Variants in GPM6A observed in about 807,000 individuals in gnomAD.
The protein encoded by GPM6A is neuronal membrane glycoprotein M6-a.
GPM6A carries 7 observed loss-of-function variants against 32.1 expected under a neutral mutation model. The ratio of observed to expected loss-of-function variants is 0.22; its 90% CI spans 0.12 to 0.41. The LOEUF (loss-of-function observed/expected upper bound fraction) is 0.41, where lower values mean the gene tolerates loss of function less well. GPM6A is among the 10% of genes least tolerant of loss of function. The pLI is 1.00. For missense variants in GPM6A, 235 were observed against 347.2 expected (o/e 0.68, Z 2.57); for synonymous variants, 130 against 123.4 (o/e 1.05, Z -0.35).
At chr4:175,993,687 G>A (rs759522984) in intron 1 of GPM6A, among the ~76,000 whole-genome samples, 2 of 152,184 alleles carry the variant, frequency 1.3e-5, no homozygotes, top group Non-Finnish European at 2.9e-5. Flanking sequence ...CAAATAGCTT[G>A]ATGATAAGAG....
At chr4:175,726,495 C>T (rs907348814) in intron 1 of GPM6A, among the ~76,000 whole-genome samples, 1 of 152,084 alleles carries the variant, frequency 6.6e-6, no homozygotes, top group Non-Finnish European at 1.5e-5. Flanking sequence ...ATGTTTTTGA[C>T]ATTATTTCAA....
intron 2 of GPM6A, among the ~76,000 whole-genome samples, chr4:175,682,545 C>T (rs1226335773): frequency 6.6e-6 from 1 of 152,178 alleles, no homozygotes; most frequent in Non-Finnish European, 1.5e-5. Flanking sequence ...TTGTGGTAGC[C>T]TCTCCCATCA....
chr4:175,843,698 C>T (rs910232673), intron 1 of GPM6A, among the ~76,000 whole-genome samples: 1 of 152,158 alleles, frequency 6.6e-6, no homozygotes, highest in African/African-American at 2.4e-5. Context: ...AATTTTTGTA[C>T]AAGGGTCCCA....
At chr4:175,812,382 AGCT>A, upstream of GPM6A, 1 of 1,336,252 alleles carries the variant, frequency 7.5e-7, no homozygotes, top group Non-Finnish European at 9.4e-7. Flanking sequence ...AAGTCCTCAG[AGCT>A]TAGCTCAGGC....
chr4:175,676,754 A>G (rs1256908460), intron 2 of GPM6A, among the ~76,000 whole-genome samples: 1 of 152,226 alleles, frequency 6.6e-6, no homozygotes, highest in Non-Finnish European at 1.5e-5. Flanking sequence ...TAAATGTAAA[A>G]AATGTGAAAG....
chr4:175,787,190 A>T, intron 1 of GPM6A: 1 of 617,550 alleles, frequency 1.6e-6, no homozygotes, highest in South Asian at 2.0e-5. Flanking sequence ...CATCCTTTTC[A>T]TTGGATGTGA....
intron 3 of GPM6A, among the ~76,000 whole-genome samples, chr4:175,664,174 A>G (rs1742602386): frequency 1.3e-5 from 2 of 152,108 alleles, no homozygotes; most frequent in Non-Finnish European, 2.9e-5. Context: ...TCAGCTGTCT[A>G]TAGGGGTTGG....
chr4:175,772,269 T>C (rs573304150), intron 1 of GPM6A, among the ~76,000 whole-genome samples: 1 of 152,210 alleles, frequency 6.6e-6, no homozygotes, highest in African/African-American at 2.4e-5. Context: ...AATAGCATTT[T>C]GAAATTGGAA....
At chr4:175,865,800 A>C (rs528344977) in intron 1 of GPM6A, among the ~76,000 whole-genome samples, 6 of 151,730 alleles carry the variant, frequency 4.0e-5, no homozygotes, top group Non-Finnish European at 7.4e-5. Flanking sequence ...CTGTAGTTTT[A>C]TTTCTTTGGA....
rs758104216 is a variant in GPM6A, at chr4:175,735,711, C to T, written c.38-33944G>A. ...AGTAGCTGGGATTACAGGCGTGTGCCACCACGCCCAGCTAATTTTTTTGTA... is the reference window on the plus strand; with the variant it reads ...AGTAGCTGGGATTACAGGCGTGTGCTACCACGCCCAGCTAATTTTTTTGTA... On this transcript the variant is annotated intron_variant, in intron 1 of 6. Coordinates refer to ENST00000393658, the MANE Select transcript of GPM6A (RefSeq NM_201591.3). Among the ~76,000 whole-genome samples the T allele has an allele frequency of 4.7e-4, 71 of 152,222 alleles. 1 individual carries two copies. Among genetic ancestry groups the T allele is most frequent in the Non-Finnish European group, 7.4e-5 (5 of 68,010 alleles).
chr4:175,903,065 A>G (rs917004506), intron 1 of GPM6A, among the ~76,000 whole-genome samples: 1 of 152,084 alleles, frequency 6.6e-6, no homozygotes, highest in East Asian at 1.9e-4. Flanking sequence ...TCTGAATATT[A>G]ATCTTCACTA....
intron 1 of GPM6A, chr4:175,907,004 A>C (rs949402248): frequency 1.3e-5 from 2 of 152,124 alleles, no homozygotes; most frequent in Non-Finnish European, 2.9e-5. Flanking sequence ...CAGTTAAAAG[A>C]GCTAGCATTT....
At chr4:175,926,364 T>C (rs1178922503) in intron 1 of GPM6A, among the ~76,000 whole-genome samples, 1 of 152,156 alleles carries the variant, frequency 6.6e-6, no homozygotes, top group East Asian at 1.9e-4. Context: ...AATTGGAAGA[T>C]CAAATGTGCC....
chr4:176,002,298 C>T (rs1358674933), intron 1 of GPM6A: 28 of 1,600,166 alleles, frequency 1.7e-5, no homozygotes, highest in African/African-American at 4.0e-5. Flanking sequence ...CGCGCCCGCC[C>T]GCGCACTCAC....
chr4:175,814,365 A>C (rs1735035712), upstream of GPM6A, among the ~76,000 whole-genome samples: 1 of 152,264 alleles, frequency 6.6e-6, no homozygotes, highest in South Asian at 2.1e-4. Context: ...AAGTCTTAGA[A>C]CCCATGTCTG....
chr4:175,906,709 T>A (rs1738143136), intron 1 of GPM6A: 3 of 152,118 alleles, frequency 2.0e-5, no homozygotes, highest in Admixed American at 2.0e-4. Context: ...ACTGCAAACT[T>A]GGGGCCACCA....
At chr4:175,948,873 C>CTATCAATTGTTACT (rs561632066) in intron 1 of GPM6A, among the ~76,000 whole-genome samples, 1 of 151,818 alleles carries the variant, frequency 6.6e-6, no homozygotes, top group African/African-American at 2.4e-5. Flanking sequence ...ATTAAAATGC[C>CTATCAATTGTTACT]ATAGATCCTT....
At chr4:175,886,669 C>T (rs544774755) in intron 1 of GPM6A, among the ~76,000 whole-genome samples, 8 of 146,582 alleles carry the variant, frequency 5.5e-5, no homozygotes, top group Admixed American at 2.1e-4. Context: ...ATTTGATCAA[C>T]GAAATACAAC....
chr4:175,964,433 A>C (rs1351202588), intron 1 of GPM6A, among the ~76,000 whole-genome samples: 1 of 152,206 alleles, frequency 6.6e-6, no homozygotes, highest in Non-Finnish European at 1.5e-5. Context: ...TACCACATTG[A>C]CTGGGTGGCT....
Sources: allele counts gnomAD v4.1 joint callset (sites outside exome capture counted in the v4.1 genomes callset), GRCh38; gene constraint gnomAD v4.1.1; transcripts MANE v1.5; gene names NCBI Gene and HGNC (gene_info 2026-07-23, HGNC 2026-07-21).